BTBD2: variants seen among roughly 807,000 people sequenced by gnomAD.
BTBD2 encodes BTB domain containing 2.
A neutral mutation model predicts 44.0 loss-of-function variants in BTBD2; 15 were observed. The ratio of observed to expected loss-of-function variants is 0.34; its 90% confidence interval spans 0.23 to 0.53. BTBD2 has a LOEUF of 0.53. BTBD2 is among the 20% of genes least tolerant of loss of function. The pLI is 0.95. For synonymous variants in BTBD2, 443 were observed against 335.9 expected, an observed-to-expected ratio of 1.32 and a Z score of -3.49; for missense variants, 657 against 746.4, an observed-to-expected ratio of 0.88 and a Z score of 1.39.
chr19:2,001,493 AAAAAG>A (rs930741083), intron 1 of BTBD2, among the ~76,000 whole-genome samples: 8 of 152,188 alleles, frequency 5.3e-5, no homozygotes, highest in South Asian at 2.1e-4. Context: ...ACTCCATCTC[AAAAAG>A]AAAAGAAAAC....
intron 1 of BTBD2, among the ~76,000 whole-genome samples, chr19:1,999,841 A>T (rs764925195): frequency 6.6e-6 from 1 of 151,912 alleles, no homozygotes; most frequent in East Asian, 1.9e-4. Context: ...GGGTGCCTGT[A>T]ATCCCAGCTA....
At chr19:1,995,279 C>CTTT (rs71174402) in intron 2 of BTBD2, among the ~76,000 whole-genome samples, 1 of 122,678 alleles carries the variant, frequency 8.2e-6, no homozygotes, top group Non-Finnish European at 1.7e-5. Flanking sequence ...ACTTTGGATT[C>CTTT]TTTTTTTTTT....
intron 4 of BTBD2, 149 bp downstream of exon 4, chr19:1,990,568 C>G: frequency 1.3e-6 from 1 of 761,602 alleles, no homozygotes. Flanking sequence ...TGGGGCTGTG[C>G]TAGGACCCAA....
Position 1,990,097 on chromosome 19 carries a change from G to C in BTBD2, c.895C>G (p.Leu299Val). 6.2e-7 allele frequency: 1 copy of C among 1,612,322 alleles called. No homozygotes were observed. Among genetic ancestry groups the C allele is most frequent in the Non-Finnish European group, 8.5e-7 (1 of 1,179,888 alleles). The change falls in exon 5 of 9, where the codon CTG (leucine) becomes GTG (valine). Residue 299 changes from leucine (L) to valine (V), a missense_variant. Leu to Val is a conservative substitution (Grantham distance 32). Transcript: ENST00000255608. ...WSEAECQRQQ[L>V]QVTPENRRKV... ...CGCCTGTTCTCTGGCGTCACCTGCA[G>C]CTGCTGCCGCTGACACTCGGCCTCG...
At chr19:2,007,538 AGATCTTCCCGCCTTAGGCCAGGGACG>A (rs1397157888) in intron 1 of BTBD2, among the ~76,000 whole-genome samples, 17 of 152,184 alleles carry the variant, frequency 1.1e-4, no homozygotes, top group Non-Finnish European at 1.5e-4. Flanking sequence ...TGGCTTCAAA[AGATCTTCCCGCCTTAGGCCAGGGACG>A]GTAGCTCACA....
At chr19:2,012,143 C>T (rs779506998) in intron 1 of BTBD2, among the ~76,000 whole-genome samples, 8 of 148,708 alleles carry the variant, frequency 5.4e-5, no homozygotes, top group Admixed American at 1.3e-4. Context: ...CGTGAGCCAC[C>T]GCGCCCAGCC....
chr19:1,997,247 G>T, intron 2 of BTBD2, 97 bp downstream of exon 2: 2 of 1,547,516 alleles, frequency 1.3e-6, no homozygotes, highest in Non-Finnish European at 8.8e-7. Flanking sequence ...TCTCCACCAA[G>T]CCAGGGCCTC....
chr19:2,015,572 G>A lies in BTBD2; in HGVS notation c.132C>T (p.Ala44=). 1 of 916,954 alleles carries A rather than the reference G, an allele frequency of 1.1e-6. No individual in the cohort carries two copies. Among genetic ancestry groups the A allele is most frequent in the Non-Finnish European group, 1.3e-6 (1 of 779,476 alleles). The allele number at this position is 916,954 out of a possible 1,614,324, so 56.8% of individuals were successfully genotyped here. A position where few individuals can be genotyped will look rare whatever the true frequency, so the allele number is the denominator to read the frequency against. ...CGGCGGCGGCGGCGGCGGCGGCGGC[G>A]GCGGCGGCCGCGTTGCCGGGGGCCG... ...ATPAPGNAAA[A]AAAAAAAAAA... Residue 44 remains alanine, a synonymous_variant, in exon 1 of 9, where the codon GCC becomes GCT. Transcript: ENST00000255608.
At chr19:1,987,356 GTCC>G (rs999657202) in intron 6 of BTBD2, 103 bp from the exon 7 acceptor site, 29 of 1,440,176 alleles carry the variant, frequency 2.0e-5, no homozygotes, top group Non-Finnish European at 2.6e-5. Context: ...TCGTCCCTGA[GTCC>G]TCCACCCCCA....
chr19:1,989,585 G>A (rs762857773), intron 5 of BTBD2: 7 of 267,844 alleles, frequency 2.6e-5, no homozygotes, highest in African/African-American at 4.4e-5. Context: ...GCCCCTTCAC[G>A]TCACCCTGGA....
intron 5 of BTBD2, 49 bp from the exon 6 acceptor site, chr19:1,987,741 C>T (rs1335066125): frequency 1.3e-6 from 2 of 1,516,220 alleles, no homozygotes; most frequent in Admixed American, 2.0e-5. Flanking sequence ...ACCCCAGGAT[C>T]CCGAGTGCCT....
In BTBD2 at chr19:1,999,866, G is replaced by T. The variant is rs1555687107; in HGVS notation, c.408-2403C>A. On this transcript the variant is annotated intron_variant, in intron 1 of 8. Transcript: ENST00000255608. ...AATCCCAGCTACTCAGGAGGCTGAGGCAGGAGAATTGCTTGAACCCGGGAG... is the reference window on the plus strand; with the variant it reads ...AATCCCAGCTACTCAGGAGGCTGAGTCAGGAGAATTGCTTGAACCCGGGAG... Among the ~76,000 whole-genome samples the T allele has an allele frequency of 2.0e-5, 3 of 151,920 alleles. No homozygotes were observed. In the East Asian group the frequency reaches 5.8e-4, roughly 29 times the overall value.
At chr19:2,008,148 G>A (rs139730120) in intron 1 of BTBD2, among the ~76,000 whole-genome samples, 8,229 of 151,948 alleles carry the variant, frequency 0.054, 301 homozygotes, top group Middle Eastern at 0.13. Context: ...GGGATTACAG[G>A]CACCTGCCAC....
intron 6 of BTBD2, 46 bp downstream of exon 6, chr19:1,987,451 GTCC>G (rs763015533): frequency 7.1e-6 from 10 of 1,402,698 alleles, no homozygotes; most frequent in Admixed American, 2.2e-5. Context: ...TCATCCCCGA[GTCC>G]TCCACCCCCA....
intron 1 of BTBD2, chr19:2,014,037 G>C (rs117137587): frequency 0.012 from 1,847 of 152,024 alleles, 21 homozygotes; most frequent in Non-Finnish European, 0.016. Flanking sequence ...TCTCAGGTGA[G>C]AGCGGAGAAG....
Position 1,986,583 on chromosome 19 carries a change from C to T in BTBD2, c.1483G>A (p.Ala495Thr), listed in dbSNP as rs960464207. The T allele has an allele frequency of 1.1e-5, 18 of 1,613,920 alleles. No individual in the cohort carries two copies. Among genetic ancestry groups the T allele is most frequent in the East Asian group, 6.7e-5 (3 of 44,886 alleles). ...KVTHESPTTG[A>T]KTCFTFCYAA... ...TAGCAAAAGGTGAAGCAGGTCTTGGCGCCCGTGGTGGGCGACTCGTGTGTC... is the reference window on the plus strand; with the variant it reads ...TAGCAAAAGGTGAAGCAGGTCTTGGTGCCCGTGGTGGGCGACTCGTGTGTC... The change falls in exon 9 of 9, where the codon GCC (alanine) becomes ACC (threonine). Residue 495 changes from alanine to threonine, a missense_variant. Physicochemically the swap from Ala to Thr is moderately conservative, Grantham distance 58. Coordinates refer to ENST00000255608, the MANE Select transcript of BTBD2 (RefSeq NM_017797.4).
chr19:2,006,042 C>T lies in BTBD2; in HGVS notation c.408-8579G>A, dbSNP rs548765899. Reference sequence around the variant, plus strand: ...GCTGGAGGCTGCAGTGAGCTATGATCGAGCCACTGAACTCCAGTGTGGGTG... The same window carrying T: ...GCTGGAGGCTGCAGTGAGCTATGATTGAGCCACTGAACTCCAGTGTGGGTG... On this transcript the variant is annotated intron_variant, in intron 1 of 8. Coordinates refer to ENST00000255608, the MANE Select transcript of BTBD2 (RefSeq NM_017797.4). Among the ~76,000 whole-genome samples, 14 of 150,414 alleles carry T rather than the reference C, an allele frequency of 9.3e-5. No homozygotes were observed. In the South Asian group the frequency reaches 2.7e-3, roughly 29 times the overall value.
Position 2,015,287 on chromosome 19 carries a change from G to C in BTBD2, c.407+10C>G. ...GTCGGGGCCAGGGCTGGCGGGGTCGGGGCGCCCACCTGTGCGCGGGGATGC... is the reference window on the plus strand; with the variant it reads ...GTCGGGGCCAGGGCTGGCGGGGTCGCGGCGCCCACCTGTGCGCGGGGATGC... On this transcript the variant is annotated intron_variant, in intron 1 of 8. Coordinates refer to ENST00000255608, the MANE Select transcript of BTBD2 (RefSeq NM_017797.4). The C allele has an allele frequency of 6.5e-7, 1 of 1,543,708 alleles. No homozygotes were observed. The highest frequency in any genetic ancestry group is 1.2e-5 in the South Asian group (1 of 85,406).
intron 3 of BTBD2, among the ~76,000 whole-genome samples, chr19:1,992,602 C>T (rs2016194462): frequency 6.6e-6 from 1 of 151,850 alleles, no homozygotes; most frequent in Non-Finnish European, 1.5e-5. Context: ...GGTGGAGTCT[C>T]GCTCTGTCAT....
Sources: allele counts gnomAD v4.1 joint callset (sites outside exome capture counted in the v4.1 genomes callset), GRCh38; gene constraint gnomAD v4.1.1; transcripts MANE v1.5; gene names NCBI Gene and HGNC (gene_info 2026-07-23, HGNC 2026-07-21).